The following ZC3H12D variants were observed in gnomAD, a reference collection of about 807,000 sequenced individuals.
ZC3H12D encodes probable ribonuclease ZC3H12D.
ZC3H12D carries 11 observed loss-of-function variants against 24.2 expected under a neutral mutation model. The ratio of observed to expected loss-of-function variants is 0.46; its 90% confidence interval spans 0.29 to 0.75. ZC3H12D has a LOEUF of 0.75. Ranked by LOEUF, ZC3H12D falls within the 30% of genes least tolerant of loss-of-function variation. The pLI is 0.11. For missense variants in ZC3H12D, 740 were observed against 767.7 expected (o/e 0.96, Z 0.43); for synonymous variants, 333 against 341.8 (o/e 0.97, Z 0.28).
chr6:149,449,861 CT>C lies in ZC3H12D; in HGVS notation c.*821del, dbSNP rs1775855262. 6.6e-6 allele frequency: 1 copy of C among 151,856 alleles called. No homozygotes were observed. The highest frequency in any genetic ancestry group is 1.5e-5 in the Non-Finnish European group (1 of 68,070). 9.4% of individuals were successfully genotyped at this position (151,856 alleles called of 1,614,324 possible). A position where few individuals can be genotyped will look rare whatever the true frequency, so the allele number is the denominator to read the frequency against. On this transcript the variant is annotated 3_prime_UTR_variant, in exon 6 of 6. Transcript: ENST00000409806. ...GATGGCTAATAAAATATTGGAGATA[CT>C]TAACCCTTAGCCAAACAGTATGTGT...
At chr6:149,468,135 C>A (rs928404606) in intron 2 of ZC3H12D, among the ~76,000 whole-genome samples, 3 of 152,176 alleles carry the variant, frequency 2.0e-5, no homozygotes, top group African/African-American at 7.2e-5. Flanking sequence ...GCATGCATCA[C>A]CACACCCAGC....
At chr6:149,478,024 G>A (rs1462920513) in intron 1 of ZC3H12D, among the ~76,000 whole-genome samples, 2 of 151,920 alleles carry the variant, frequency 1.3e-5, no homozygotes, top group Non-Finnish European at 2.9e-5. Context: ...AAAATTAGCT[G>A]GGCATGGTGG....
intron 2 of ZC3H12D, among the ~76,000 whole-genome samples, chr6:149,462,408 C>G (rs381793): frequency 6.6e-6 from 1 of 151,348 alleles, no homozygotes; most frequent in Admixed American, 6.6e-5. Context: ...AAAAACCACA[C>G]ACACACACAA....
Position 149,456,745 on chromosome 6 carries a change from G to T in ZC3H12D, c.601C>A (p.Arg201=), listed in dbSNP as rs757188690. The T allele has an allele frequency of 6.2e-7, 1 of 1,613,802 alleles. No individual in the cohort carries two copies. ...DGVIVSNDNY[R]DLQSENPEWK... The stretch of plus-strand genomic sequence containing the variant: ...TCGGGGTTCTCGCTCTGCAGGTCCC[G>T]GTAGTTGTCGTTGGAGACGATGACG... The change falls in exon 4 of 6, where the codon CGG becomes AGG. Residue 201 remains arginine, a synonymous_variant. Transcript: ENST00000409806. This position sits in a 1 kb window ranked among gnomAD's most constrained non-coding sequence, Gnocchi z 4.3.
intron 3 of ZC3H12D, among the ~76,000 whole-genome samples, chr6:149,457,668 A>G (rs1414656224): frequency 6.6e-6 from 1 of 152,234 alleles, no homozygotes; most frequent in African/African-American, 2.4e-5. Context: ...GTCAAGAGGT[A>G]AACATGCACC....
Position 149,450,639 on chromosome 6 carries a change from G to A in ZC3H12D, c.*44C>T. 19 of 1,462,094 alleles carry A rather than the reference G, an allele frequency of 1.3e-5. No individual in the cohort carries two copies. Among genetic ancestry groups the A allele is most frequent in the Non-Finnish European group, 1.6e-5 (18 of 1,103,344 alleles). The allele number at this position is 1,462,094 out of a possible 1,614,324, so 90.6% of individuals were successfully genotyped here. On this transcript the variant is annotated 3_prime_UTR_variant, in exon 6 of 6. Coordinates refer to ENST00000409806, the MANE Select transcript of ZC3H12D (RefSeq NM_207360.3). ...AACCACAGGTCCACCCGTCCAAGAC[G>A]CAAGGCGAGGCTGGGCCATTCCCTG...
chr6:149,459,470 T>C, intron 3 of ZC3H12D: 1 of 642,722 alleles, frequency 1.6e-6, no homozygotes, highest in South Asian at 1.8e-5. Context: ...ATTGTATTGA[T>C]TGTGCAGCAT....
intron 1 of ZC3H12D, among the ~76,000 whole-genome samples, chr6:149,476,170 C>A (rs79475523): frequency 0.02 from 3,096 of 152,218 alleles, 109 homozygotes; most frequent in African/African-American, 0.072. Context: ...CAAATGGTGT[C>A]ATCTTATACT....
chr6:149,466,783 G>T (rs915869954), intron 2 of ZC3H12D, among the ~76,000 whole-genome samples: 22 of 152,118 alleles, frequency 1.4e-4, no homozygotes, highest in Non-Finnish European at 2.6e-4. Context: ...GGCTGAGGCA[G>T]GAAAATCGCT....
intron 2 of ZC3H12D, among the ~76,000 whole-genome samples, chr6:149,462,514 TG>T (rs371680776): frequency 2.6e-5 from 4 of 152,360 alleles, no homozygotes; most frequent in African/African-American, 9.6e-5. Context: ...TAGAGGGTCT[TG>T]GGCTCTGTTA....
intron 3 of ZC3H12D, 196 bp downstream of exon 3, chr6:149,461,635 G>A (rs942166920): frequency 7.2e-6 from 3 of 419,490 alleles, no homozygotes; most frequent in African/African-American, 6.1e-5. Context: ...TTGAATACCA[G>A]GTGTTACGCT....
chr6:149,458,818 A>C (rs1776029274), intron 3 of ZC3H12D, among the ~76,000 whole-genome samples: 1 of 152,018 alleles, frequency 6.6e-6, no homozygotes, highest in African/African-American at 2.4e-5. Flanking sequence ...TTGTGGTTTT[A>C]TTTTGCATTT....
intron 3 of ZC3H12D, chr6:149,459,591 A>G: frequency 1.4e-6 from 1 of 698,398 alleles, no homozygotes; most frequent in Non-Finnish European, 2.6e-6. Context: ...AAGTCGGGCA[A>G]AATCGGGATG....
At chr6:149,468,543 C>T (rs1776196312) in intron 2 of ZC3H12D, among the ~76,000 whole-genome samples, 1 of 152,174 alleles carries the variant, frequency 6.6e-6, no homozygotes, top group Admixed American at 6.5e-5. Context: ...GCAATGATTC[C>T]TCAGGGGTCT....
At chr6:149,458,527 A>T (rs549873061) in intron 3 of ZC3H12D, among the ~76,000 whole-genome samples, 1 of 152,076 alleles carries the variant, frequency 6.6e-6, no homozygotes, top group African/African-American at 2.4e-5. Flanking sequence ...TTCGTTCATC[A>T]TTGTGTTTGC....
chr6:149,459,677 C>T (rs1483415164), intron 3 of ZC3H12D: 1 of 717,994 alleles, frequency 1.4e-6, no homozygotes, highest in East Asian at 2.7e-5. Flanking sequence ...CCATCCCTAT[C>T]CCTATAAAGA....
intron 2 of ZC3H12D, among the ~76,000 whole-genome samples, chr6:149,473,617 C>T (rs1181642268): frequency 3.9e-5 from 6 of 152,174 alleles, no homozygotes; most frequent in South Asian, 2.1e-4. Context: ...TTCACACAGC[C>T]GCATCTGCAG....
At chr6:149,463,450 C>T (rs537648770) in intron 2 of ZC3H12D, among the ~76,000 whole-genome samples, 2 of 152,240 alleles carry the variant, frequency 1.3e-5, no homozygotes, top group Admixed American at 6.5e-5. Context: ...GTGGCTCACG[C>T]CTGTAATCCC....
intron 1 of ZC3H12D, among the ~76,000 whole-genome samples, chr6:149,482,538 G>C (rs577220116): frequency 1.8e-4 from 28 of 152,284 alleles, no homozygotes; most frequent in African/African-American, 6.7e-4. Context: ...GGCTGCTGGG[G>C]GTGGGTTCGG....
Sources: allele counts gnomAD v4.1 joint callset (sites outside exome capture counted in the v4.1 genomes callset), GRCh38; gene constraint gnomAD v4.1.1; non-coding constraint Gnocchi (gnomAD v3.1); transcripts MANE v1.5; gene names NCBI Gene and HGNC (gene_info 2026-07-23, HGNC 2026-07-21).